Variants in ITGA10 observed in about 807,000 individuals in gnomAD.
ITGA10 encodes integrin subunit alpha 10.
ITGA10 carries 105 observed loss-of-function variants against 145.2 expected under a neutral mutation model. The observed-to-expected ratio is 0.72, with a 90% confidence interval of 0.62 to 0.85. The LOEUF is 0.85. Among genes scored for constraint, ITGA10 ranks in the 40% least tolerant of loss-of-function variants. ITGA10 has a pLI of 0.00. For missense variants in ITGA10, 1,317 were observed against 1,444.5 expected (o/e 0.91, Z 1.43); for synonymous variants, 506 against 557.8 (o/e 0.91, Z 1.31).
rs1553749328 is a variant in ITGA10 at position 145,902,589 on chromosome 1, C to T, written c.940G>A (p.Asp314Asn). Residue 314 changes from aspartate (D) to asparagine (N), a missense_variant, in exon 9 of 30, where the codon GAT becomes AAT. Transcript: ENST00000369304. ...ATTTCTCTCAGGAAAGAGCTGGGAT[C>T]TCGCTGCCGCCGGAGGTAGTGACCA... ...VLGHYLRRQRDPSSFLREIRT... is the reference protein window; with the variant it reads ...VLGHYLRRQRNPSSFLREIRT... 1 of 1,610,712 alleles carries T rather than the reference C, an allele frequency of 6.2e-7. No individual in the cohort carries two copies. Among genetic ancestry groups the T allele is most frequent in the Non-Finnish European group, 8.5e-7 (1 of 1,178,632 alleles).
At chr1:145,907,752 C>T (rs887377140) in intron 1 of ITGA10, 2 of 135,876 alleles carry the variant, frequency 1.5e-5, no homozygotes, top group Admixed American at 1.5e-4. Flanking sequence ...CTGAAAAGGT[C>T]AAGTTACTTT....
At position 145,901,088 on chromosome 1, in the gene ITGA10, C is replaced by T. The variant is rs782076241; in HGVS notation, c.1587+47G>A. The T allele has an allele frequency of 6.8e-6, 11 of 1,613,074 alleles. No homozygotes were observed. The South Asian group carries it at 1.2e-4, about 18-fold the overall frequency. On this transcript the variant is annotated intron_variant, in intron 13 of 29. Transcript: ENST00000369304. This position sits in a 1 kb window ranked among gnomAD's most constrained non-coding sequence, Gnocchi z 4.3. ...TGCACCTTCCCTCCTTTCCTCCCTC[C>T]ACCCCCACAATGCAAGTCCAGGGCA... is the stretch of plus-strand genomic sequence containing the variant.
intron 16 of ITGA10, 33 bp from the exon 17 acceptor site, chr1:145,899,111 G>A (rs1026994739): frequency 6.2e-7 from 1 of 1,614,162 alleles, no homozygotes; most frequent in Admixed American, 1.7e-5. Context: ...AGGGTGGAAA[G>A]GGGTCTAGTG....
rs1553745852 is a variant in ITGA10, at chr1:145,897,853, G to A, written c.2394C>T (p.Asp798=). The change falls in exon 19 of 30, where the codon GAC becomes GAT. Residue 798 remains aspartate, a synonymous_variant. Coordinates refer to ENST00000369304, the MANE Select transcript of ITGA10 (RefSeq NM_003637.5). ...TGTCCATATTCACTTGAAGCACCAG[G>A]TCTGTGACACATTCATTGTCAGGGC... The part of the protein sequence containing the change: ...DCGPDNECVT[D]LVLQVNMDIR... 2 of 1,614,158 alleles carry A rather than the reference G, an allele frequency of 1.2e-6. No homozygotes were observed. Among genetic ancestry groups the A allele is most frequent in the South Asian group, 2.2e-5 (2 of 91,084 alleles).
At chr1:145,904,857 C>T in intron 5 of ITGA10, 46 bp from the exon 6 acceptor site, 1 of 1,592,040 alleles carries the variant, frequency 6.3e-7, no homozygotes, top group Admixed American at 1.7e-5. Context: ...GAGCTGGGGG[C>T]AACAAGGGAA....
In ITGA10 at chr1:145,892,846, A is replaced by C. The variant is rs375285555; in HGVS notation, c.3456T>G (p.His1152Gln). 41 of 1,613,644 alleles carry C rather than the reference A, an allele frequency of 2.5e-5. No homozygotes were observed. In the African/African-American group the frequency reaches 4.4e-4, roughly 17 times the overall value. Reference sequence around the variant, plus strand: ...TTTTTTCTTCCTCAGGGATTTTCTTATGGGCAAAGAAGCCAAGCTGTAGAA... The same window carrying C: ...TTTTTTCTTCCTCAGGGATTTTCTTCTGGGCAAAGAAGCCAAGCTGTAGAA... ...FCLWKLGFFA[H>Q]KKIPEEEKRE... Residue 1152 changes from histidine to glutamine, a missense_variant, in exon 30 of 30, where the codon CAT (histidine) becomes CAG (glutamine). Physicochemically the swap from His to Gln is conservative, Grantham distance 24. Transcript: ENST00000369304.
At chr1:145,905,711 G>C (rs1657041546) in intron 5 of ITGA10, 1 of 152,200 alleles carries the variant, frequency 6.6e-6, no homozygotes, top group African/African-American at 2.4e-5. Context: ...TGAGTAGCTG[G>C]GACCACAGGC....
chr1:145,901,991 A>G lies in ITGA10; in HGVS notation c.1180T>C (p.Tyr394His). 2 of 1,614,152 alleles carry G rather than the reference A, an allele frequency of 1.2e-6. No homozygotes were observed. Among genetic ancestry groups the G allele is most frequent in the Non-Finnish European group, 1.7e-6 (2 of 1,180,018 alleles). ...CATAGCACAGAGCCTCCCCAGTCAT[A>G]GGCCCCCACCATCCCAAAAAGAATC... ...DGILFGMVGA[Y>H]DWGGSVLWLE... The change falls in exon 11 of 30, where the codon TAT becomes CAT. Residue 394 changes from tyrosine to histidine, a missense_variant. Transcript: ENST00000369304. The surrounding 1 kb of genome is among the most constrained non-coding windows in gnomAD (Gnocchi z 4.3).
chr1:145,895,529 G>A, intron 26 of ITGA10, 102 bp downstream of exon 26: 1 of 1,380,012 alleles, frequency 7.2e-7, no homozygotes, highest in South Asian at 1.2e-5. Context: ...GGACCCTGGG[G>A]TGGAAAGATC....
Position 145,896,844 on chromosome 1 carries a change from C to A in ITGA10, c.2759G>T (p.Arg920Ile), listed in dbSNP as rs150426063. 2.9e-5 allele frequency: 47 copies of A among 1,613,846 alleles called. No homozygotes were observed. In the South Asian group the frequency reaches 4.6e-4, roughly 16 times the overall value. The change falls in exon 23 of 30, where the codon AGA becomes ATA. Residue 920 changes from arginine to isoleucine, a missense_variant. Arg to Ile is a moderately conservative substitution (Grantham distance 97). Transcript: ENST00000369304. ...TGTGTTATCTTGAAGGGTCCCATTT[C>A]TCTCCAGGCTGTCACTGTAGGGTCA... ...KLTASSDSLE[R>I]NGTLQDNTAQ...
chr1:145,909,883 T>G, intron 1 of ITGA10, 80 bp downstream of exon 1: 1 of 1,252,482 alleles, frequency 8.0e-7, no homozygotes, highest in East Asian at 2.3e-5. Context: ...CCCAAAGAAT[T>G]TTAACTATAA....
chr1:145,903,444 G>A (rs1033522424), intron 7 of ITGA10, among the ~76,000 whole-genome samples: 4 of 152,084 alleles, frequency 2.6e-5, no homozygotes, highest in Admixed American at 2.0e-4. Context: ...ATCATTGTTG[G>A]AGTGGAGGGA....
rs1553743517 is a variant in ITGA10, at chr1:145,892,571, C to T, written c.*227G>A. 6.9e-6 allele frequency: 3 copies of T among 432,574 alleles called. No homozygotes were observed. The allele number at this position is 432,574 out of a possible 1,614,324, so 26.8% of individuals were successfully genotyped here. On this transcript the variant is annotated 3_prime_UTR_variant, in exon 30 of 30. Transcript: ENST00000369304. ...ACCAGGATCACGAGGAGGAGGGAAG[C>T]AGAGGGTGGGAGCATGGCTAGTTTT... is the stretch of plus-strand genomic sequence containing the variant.
Position 145,894,406 on chromosome 1 carries a change from G to A in ITGA10, c.3229-771C>T, listed in dbSNP as rs587640438. Among the ~76,000 whole-genome samples, 132 of 152,168 alleles carry A rather than the reference G, an allele frequency of 8.7e-4. 1 individual carries two copies. Among genetic ancestry groups the A allele is most frequent in the African/African-American group, 2.8e-3 (117 of 41,498 alleles). On this transcript the variant is annotated intron_variant, in intron 27 of 29. Coordinates refer to ENST00000369304, the MANE Select transcript of ITGA10 (RefSeq NM_003637.5). Reference sequence around the variant, plus strand: ...ATTACAGGCGTGAGCCACCGCGCCCGGCCATGTAGTGGTTTCTTAATAAAT... The same window carrying A: ...ATTACAGGCGTGAGCCACCGCGCCCAGCCATGTAGTGGTTTCTTAATAAAT...
At position 145,897,497 on chromosome 1, in the gene ITGA10, C is replaced by G; in HGVS notation, c.2574+15G>C. 6.2e-7 allele frequency: 1 copy of G among 1,613,806 alleles called. No individual in the cohort carries two copies. The highest frequency in any genetic ancestry group is 1.3e-5 in the African/African-American group (1 of 75,024). On this transcript the variant is annotated intron_variant, in intron 20 of 29. Coordinates refer to ENST00000369304, the MANE Select transcript of ITGA10 (RefSeq NM_003637.5). The stretch of plus-strand genomic sequence containing the variant: ...CCTTTCTTTCCTTCTCCCACACCCC[C>G]TCCTCCAAAGGCACCTGAGGAGTGA...
Position 145,906,501 on chromosome 1 carries a change from G to A in ITGA10, c.374C>T (p.Ala125Val), listed in dbSNP as rs1553751088. The change falls in exon 5 of 30, where the codon GCC becomes GTC. Residue 125 changes from alanine to valine, a missense_variant. Coordinates refer to ENST00000369304, the MANE Select transcript of ITGA10 (RefSeq NM_003637.5). Reference sequence around the variant, plus strand: ...GCCACAAGCACGAGACCAGAGAGGGGCACAGGCCTGGGGATGGGGGAAATA... The same window carrying A: ...GCCACAAGCACGAGACCAGAGAGGGACACAGGCCTGGGGATGGGGGAAATA... ...TDGDGGFMACAPLWSRACGSS... is the reference protein window; with the variant it reads ...TDGDGGFMACVPLWSRACGSS... The A allele has an allele frequency of 1.9e-6, 3 of 1,613,856 alleles. No homozygotes were observed. Among genetic ancestry groups the A allele is most frequent in the Non-Finnish European group, 2.5e-6 (3 of 1,179,754 alleles).
chr1:145,899,593 C>T (rs587664160), intron 15 of ITGA10, among the ~76,000 whole-genome samples: 1 of 152,126 alleles, frequency 6.6e-6, no homozygotes, highest in South Asian at 2.1e-4. Context: ...ACTGCAACCT[C>T]TGCCTCCTGG....
At chr1:145,904,554 T>C in intron 6 of ITGA10, 130 bp downstream of exon 6, 1 of 988,456 alleles carries the variant, frequency 1.0e-6, no homozygotes, top group East Asian at 2.4e-5. Context: ...TCTTTCATAT[T>C]TTTAGAGATG....
At chr1:145,904,550 A>G in intron 6 of ITGA10, 134 bp downstream of exon 6, 1 of 952,974 alleles carries the variant, frequency 1.0e-6, no homozygotes, top group Non-Finnish European at 1.5e-6. Flanking sequence ...TTTTTCTTTC[A>G]TATTTTTAGA....
Sources: gnomAD v4.1 joint callset for allele counts (sites outside exome capture counted in the v4.1 genomes callset) on GRCh38, gnomAD v4.1.1 for gene constraint, Gnocchi (gnomAD v3.1) non-coding constraint, MANE v1.5 for transcripts, NCBI Gene and HGNC (gene_info 2026-07-23, HGNC 2026-07-21) for gene names.